The following RADIL variants were observed in gnomAD, a reference collection of about 807,000 sequenced individuals.
RADIL encodes the protein ras-associating and dilute domain-containing protein.
In RADIL, 99 loss-of-function variants were observed where a neutral mutation model predicts 97.6. The ratio of observed to expected loss-of-function variants is 1.01; its 90% CI spans 0.86 to 1.20. The LOEUF (loss-of-function observed/expected upper bound fraction) is 1.20. RADIL is among the 50% of genes most tolerant of loss of function. RADIL has a pLI of 0.00. For missense variants in RADIL, 1,765 were observed against 1,498.9 expected, an observed-to-expected ratio of 1.18 and a Z score of -2.93; for synonymous variants, 803 against 691.8, an observed-to-expected ratio of 1.16 and a Z score of -2.52.
At position 4,819,586 on chromosome 7, in the gene RADIL, G is replaced by A. The variant is rs998074881; in HGVS notation, c.1616-2235C>T. Among the ~76,000 whole-genome samples the A allele has an allele frequency of 4.6e-5, 7 of 152,178 alleles. No individual in the cohort carries two copies. The highest frequency in any genetic ancestry group is 1.7e-4 in the African/African-American group (7 of 41,428). On this transcript the variant is annotated intron_variant, in intron 6 of 14. Coordinates refer to ENST00000399583, the MANE Select transcript of RADIL (RefSeq NM_018059.5). This position sits in a 1 kb window ranked among gnomAD's most constrained non-coding sequence, Gnocchi z 5.8. The stretch of plus-strand genomic sequence containing the variant: ...GAGGAGAATCTGAGGCGCACACGAT[G>A]GTGTGAGGCGGCGCGGGAGGGGCCT...
At chr7:4,843,033 G>A (rs1783484944) in intron 2 of RADIL, among the ~76,000 whole-genome samples, 1 of 143,442 alleles carries the variant, frequency 7.0e-6, no homozygotes, top group Non-Finnish European at 1.5e-5. Context: ...TTGAGAAGGA[G>A]TCTTGCTCTG....
chr7:4,846,280 G>A (rs1783570262), intron 2 of RADIL, among the ~76,000 whole-genome samples: 2 of 152,010 alleles, frequency 1.3e-5, no homozygotes, highest in South Asian at 4.2e-4. Flanking sequence ...CTGAGTAGCT[G>A]GAATTACGGG....
rs773422615 is a variant in RADIL at position 4,835,012 on chromosome 7, C to T, written c.1011G>A (p.Val337=). 1 of 1,611,654 alleles carries T rather than the reference C, an allele frequency of 6.2e-7. No individual in the cohort carries two copies. Among genetic ancestry groups the T allele is most frequent in the Non-Finnish European group, 8.5e-7 (1 of 1,179,392 alleles). The part of the protein sequence containing the change: ...VNFSEVGHRT[V]VLHHGDLLSL... The stretch of plus-strand genomic sequence containing the variant: ...AGAGCAGGTCCCCGTGGTGCAGCAC[C>T]ACGGTCCTGTGCCCCACCTCGGAGA... Residue 337 remains valine, a synonymous_variant, in exon 4 of 15, where the codon GTG becomes GTA. Coordinates refer to ENST00000399583, the MANE Select transcript of RADIL (RefSeq NM_018059.5). The surrounding 1 kb of genome is among the most constrained non-coding windows in gnomAD (Gnocchi z 5.8).
chr7:4,882,189 G>C (rs1419703591), intron 1 of RADIL: 1 of 152,262 alleles, frequency 6.6e-6, no homozygotes, highest in African/African-American at 2.4e-5. Context: ...GTGCCCACTT[G>C]TTCACACGCT....
chr7:4,850,436 G>C (rs1310983988), intron 2 of RADIL, among the ~76,000 whole-genome samples: 1 of 152,196 alleles, frequency 6.6e-6, no homozygotes, highest in Non-Finnish European at 1.5e-5. Flanking sequence ...AATTAAGGTT[G>C]TCTATCAGCT....
intron 6 of RADIL, among the ~76,000 whole-genome samples, chr7:4,820,391 T>G (rs981751898): frequency 2.7e-5 from 4 of 150,256 alleles, no homozygotes; most frequent in Admixed American, 2.7e-4. Flanking sequence ...CCACAGTCGT[T>G]TACGTCACTT....
rs527575017 is a variant in RADIL at position 4,856,738 on chromosome 7, C to A, written c.536-20133G>T. 2.3e-3 allele frequency among the ~76,000 whole-genome samples: 343 copies of A among 152,306 alleles called. 1 individual carries two copies. Among genetic ancestry groups the A allele is most frequent in the African/African-American group, 7.7e-3 (320 of 41,564 alleles). ...ATATAGCAAGAGGTTAATTTTTGTA[C>A]ATGCCCAATGCTTATTTGAGAATAA... is the stretch of plus-strand genomic sequence containing the variant. On this transcript the variant is annotated intron_variant, in intron 2 of 14. Coordinates refer to ENST00000399583, the MANE Select transcript of RADIL (RefSeq NM_018059.5).
Position 4,878,367 on chromosome 7 carries a change from G to A in RADIL, c.-64-164C>T, listed in dbSNP as rs1450569854. On this transcript the variant is annotated intron_variant, in intron 1 of 14. Coordinates refer to ENST00000399583, the MANE Select transcript of RADIL (RefSeq NM_018059.5). This position sits in a 1 kb window ranked among gnomAD's most constrained non-coding sequence, Gnocchi z 4.1. The stretch of plus-strand genomic sequence containing the variant: ...CAGACCAGCCTGGGAAACATAGTAA[G>A]GCCCCGGCTCTACAAAAAATTTAAA... 1.3e-5 allele frequency among the ~76,000 whole-genome samples: 2 copies of A among 151,958 alleles called. No homozygotes were observed. The highest frequency in any genetic ancestry group is 2.9e-5 in the Non-Finnish European group (2 of 68,010).
intron 5 of RADIL, among the ~76,000 whole-genome samples, chr7:4,826,663 G>A (rs1416386818): frequency 3.3e-5 from 5 of 151,586 alleles, no homozygotes; most frequent in African/African-American, 1.2e-4. Context: ...AACCCAGGAG[G>A]CGGAGGTTGC....
rs1782278745 is a variant in RADIL, at chr7:4,805,549, C to A, written c.2290+17G>T. 6.4e-7 allele frequency: 1 copy of A among 1,570,496 alleles called. No homozygotes were observed. Among genetic ancestry groups the A allele is most frequent in the Non-Finnish European group, 8.7e-7 (1 of 1,156,014 alleles). Reference sequence around the variant, plus strand: ...CACTGAGTCCCCAGCCCTCTCCTGCCCTGGGGCAGGGCTTACCTGACCTGA... The same window carrying A: ...CACTGAGTCCCCAGCCCTCTCCTGCACTGGGGCAGGGCTTACCTGACCTGA... On this transcript the variant is annotated intron_variant, in intron 10 of 14. Transcript: ENST00000399583.
chr7:4,848,980 A>G (rs183727832), intron 2 of RADIL, among the ~76,000 whole-genome samples: 7 of 152,246 alleles, frequency 4.6e-5, no homozygotes, highest in Non-Finnish European at 1.0e-4. Flanking sequence ...CTCTAATGAA[A>G]ATACAAAATT....
At position 4,805,622 on chromosome 7, in the gene RADIL, C is replaced by A; in HGVS notation, c.2234G>T (p.Gly745Val). The change falls in exon 10 of 15, where the codon GGC becomes GTC. Residue 745 changes from glycine to valine, a missense_variant. Physicochemically the swap from Gly to Val is moderately radical, Grantham distance 109. Coordinates refer to ENST00000399583, the MANE Select transcript of RADIL (RefSeq NM_018059.5). ...LTHYQLASAMGPMSTWEPGAQ... is the reference protein window; with the variant it reads ...LTHYQLASAMVPMSTWEPGAQ... Reference sequence around the variant, plus strand: ...CCCTGGCTCCCAGGTGCTCATGGGGCCCATGGCCGAGGCCAGCTGGTAGTG... The same window carrying A: ...CCCTGGCTCCCAGGTGCTCATGGGGACCATGGCCGAGGCCAGCTGGTAGTG... 6.2e-7 allele frequency: 1 copy of A among 1,611,704 alleles called. No individual in the cohort carries two copies. Among genetic ancestry groups the A allele is most frequent in the Middle Eastern group, 1.7e-4 (1 of 5,990 alleles).
rs112043896 is a variant in RADIL at position 4,799,246 on chromosome 7, T to G, written c.*132A>C. ...CTGAGATGCATGTTATCAACAGGCA[T>G]GTCCCCAGGGTGAGGCTCCCCACCC... On this transcript the variant is annotated 3_prime_UTR_variant, in exon 15 of 15. Transcript: ENST00000399583. 134 of 708,578 alleles carry G rather than the reference T, an allele frequency of 1.9e-4. No homozygotes were observed. The highest frequency in any genetic ancestry group is 1.5e-4 in the Admixed American group (6 of 40,966). 43.9% of individuals were successfully genotyped at this position (708,578 alleles called of 1,614,324 possible).
intron 2 of RADIL, chr7:4,860,044 T>C (rs1275128126): frequency 1.2e-6 from 2 of 1,614,042 alleles, no homozygotes; most frequent in Admixed American, 1.7e-5. Flanking sequence ...TTTCGTTTAA[T>C]GCAACCCCTG....
chr7:4,801,689 TCCTCTG>T lies in RADIL; in HGVS notation c.2800_2805del (p.Gln934_Arg935del). ...GCACCCCGGAGGCCGCTGAGTCCGT[TCCTCTG>T]CCTCTCTGGGAGCGCTTTTCCACAG... On this transcript the variant is annotated inframe_deletion, in exon 12 of 15. Transcript: ENST00000399583. The T allele has an allele frequency of 1.9e-6, 3 of 1,608,440 alleles. No homozygotes were observed. Among genetic ancestry groups the T allele is most frequent in the Non-Finnish European group, 2.5e-6 (3 of 1,178,290 alleles).
chr7:4,818,046 C>T lies in RADIL; in HGVS notation c.1616-695G>A, dbSNP rs80151546. Among the ~76,000 whole-genome samples the T allele has an allele frequency of 6.6e-5, 10 of 152,228 alleles. No individual in the cohort carries two copies. The highest frequency in any genetic ancestry group is 2.9e-5 in the Non-Finnish European group (2 of 68,032). ...GAAGGGGCCAGGACCCTGGGTGTTC[C>T]GCCTTTGGGCGCCTTCATTCTCTCC... On this transcript the variant is annotated intron_variant, in intron 6 of 14. Coordinates refer to ENST00000399583, the MANE Select transcript of RADIL (RefSeq NM_018059.5). The surrounding 1 kb of genome is among the most constrained non-coding windows in gnomAD (Gnocchi z 7.1).
intron 5 of RADIL, among the ~76,000 whole-genome samples, chr7:4,827,833 G>A (rs997826117): frequency 1.1e-4 from 17 of 152,040 alleles, no homozygotes; most frequent in South Asian, 2.1e-4. Flanking sequence ...ACTAAGAAAC[G>A]GAGAAAGCTC....
Position 4,849,785 on chromosome 7 carries a change from C to T in RADIL, c.536-13180G>A, listed in dbSNP as rs1049823318. 6.6e-6 allele frequency among the ~76,000 whole-genome samples: 1 copy of T among 152,122 alleles called. No individual in the cohort carries two copies. Among genetic ancestry groups the T allele is most frequent in the Non-Finnish European group, 1.5e-5 (1 of 68,030 alleles). On this transcript the variant is annotated intron_variant, in intron 2 of 14. Coordinates refer to ENST00000399583, the MANE Select transcript of RADIL (RefSeq NM_018059.5). The surrounding 1 kb of genome is among the most constrained non-coding windows in gnomAD (Gnocchi z 5.4). ...CATTTCACTCCTGCATACCTTTCTG[C>T]GTACGCACAAAACGAACACAGATCA...
intron 10 of RADIL, chr7:4,804,151 C>T: frequency 3.3e-6 from 1 of 301,954 alleles, no homozygotes; most frequent in Non-Finnish European, 6.6e-6. Context: ...CGACTGCCTC[C>T]CTGCAGGAAT....
Sources: gnomAD v4.1 joint callset for allele counts (sites outside exome capture counted in the v4.1 genomes callset) on GRCh38, gnomAD v4.1.1 for gene constraint, Gnocchi (gnomAD v3.1) non-coding constraint, MANE v1.5 for transcripts, NCBI Gene and HGNC (gene_info 2026-07-23, HGNC 2026-07-21) for gene names.